Variants in SMPD3 observed in about 807,000 individuals in gnomAD.
The protein encoded by SMPD3 is sphingomyelin phosphodiesterase 3, also known as nSMase-2.
In SMPD3, 21 loss-of-function variants were observed where a neutral mutation model predicts 55.7. The observed-to-expected ratio is 0.38, with a 90% CI of 0.27 to 0.54. The LOEUF (loss-of-function observed/expected upper bound fraction) is 0.54. SMPD3 is among the 20% of genes least tolerant of loss of function. The probability of loss-of-function intolerance (pLI) is 0.80; values close to 1 mark genes in which losing one functional copy is unlikely to be tolerated. For missense variants in SMPD3, 842 were observed against 899.6 expected, an observed-to-expected ratio of 0.94 and a Z score of 0.82; for synonymous variants, 457 against 404.3, an observed-to-expected ratio of 1.13 and a Z score of -1.56.
Position 68,360,874 on chromosome 16 carries a change from TAA to T in SMPD3, c.*330_*331del. The T allele has an allele frequency of 3.7e-6, 1 of 271,008 alleles. No homozygotes were observed. Among genetic ancestry groups the T allele is most frequent in the Non-Finnish European group, 7.0e-6 (1 of 141,970 alleles). 16.8% of individuals were successfully genotyped at this position (271,008 alleles called of 1,614,324 possible). A position where few individuals can be genotyped will look rare whatever the true frequency, so the allele number is the denominator to read the frequency against. On this transcript the variant is annotated 3_prime_UTR_variant, in exon 9 of 9. Transcript: ENST00000219334. ...AAAATAAAGAACCCTGGACGAAGCT[TAA>T]GAGGAGATACAGAGAGTACACGAAC...
chr16:68,410,864 A>G (rs555745609), intron 1 of SMPD3, among the ~76,000 whole-genome samples: 3 of 152,410 alleles, frequency 2.0e-5, no homozygotes, highest in Admixed American at 2.0e-4. Context: ...GGCACCTTGC[A>G]TCTGTGAATT....
chr16:68,379,239 C>T (rs1250072862), intron 2 of SMPD3, among the ~76,000 whole-genome samples: 3 of 152,218 alleles, frequency 2.0e-5, no homozygotes, highest in Admixed American at 2.0e-4. Context: ...ATCGGCATCC[C>T]TTGGGAGACC....
chr16:68,426,038 A>T (rs1283922621), intron 1 of SMPD3, among the ~76,000 whole-genome samples: 1 of 152,234 alleles, frequency 6.6e-6, no homozygotes, highest in Non-Finnish European at 1.5e-5. Context: ...ATTTTCCTCA[A>T]GGAAAATAAA....
chr16:68,447,351 G>A lies in SMPD3; in HGVS notation c.-269+1002C>T, dbSNP rs2090618205. Among the ~76,000 whole-genome samples the A allele has an allele frequency of 2.0e-5, 3 of 152,162 alleles. No homozygotes were observed. The highest frequency in any genetic ancestry group is 2.9e-5 in the Non-Finnish European group (2 of 68,006). On this transcript the variant is annotated intron_variant, in intron 1 of 8. Coordinates refer to ENST00000219334, the MANE Select transcript of SMPD3 (RefSeq NM_018667.4). The surrounding 1 kb of genome is among the most constrained non-coding windows in gnomAD (Gnocchi z 5.1). The stretch of plus-strand genomic sequence containing the variant: ...GAGTGCTTGAGGGGAGACCCGCCCC[G>A]TCCCGCTCTGTACATGCCCATCTGG...
chr16:68,413,550 A>G (rs1023443429), intron 1 of SMPD3, among the ~76,000 whole-genome samples: 3 of 152,214 alleles, frequency 2.0e-5, no homozygotes, highest in Non-Finnish European at 2.9e-5. Context: ...CTTATTCAAA[A>G]TAGTGGAAAA....
At position 68,371,188 on chromosome 16, in the gene SMPD3, T is replaced by G. The variant is rs755322152; in HGVS notation, c.994A>C (p.Lys332Gln). 1.2e-6 allele frequency: 2 copies of G among 1,612,146 alleles called. No individual in the cohort carries two copies. Among genetic ancestry groups the G allele is most frequent in the Non-Finnish European group, 1.7e-6 (2 of 1,179,636 alleles). ...TGCCGCCTCCTGCGTGCAGCCGCCTTCTTCACCACCGAGGCCTTGTACAGG... is the reference window on the plus strand; with the variant it reads ...TGCCGCCTCCTGCGTGCAGCCGCCTGCTTCACCACCGAGGCCTTGTACAGG... ...KLLYKASVVK[K>Q]AAARRRRHPD... Residue 332 changes from lysine (K) to glutamine (Q), a missense_variant, in exon 3 of 9, where the codon AAG becomes CAG. Lys to Gln is a moderately conservative substitution (Grantham distance 53). Around this residue, in one of 2 missense-constraint regions of SMPD3, gnomAD observed 649 missense variants for 643.6 expected, o/e 1.01. Transcript: ENST00000219334.
intron 1 of SMPD3, among the ~76,000 whole-genome samples, chr16:68,434,219 T>C (rs2152031322): frequency 6.6e-6 from 1 of 152,344 alleles, no homozygotes; most frequent in Middle Eastern, 3.4e-3. Flanking sequence ...ATATATGTTT[T>C]GGTTATTTGA....
chr16:68,436,913 C>A (rs2152032776), intron 1 of SMPD3, among the ~76,000 whole-genome samples: 1 of 152,280 alleles, frequency 6.6e-6, no homozygotes, highest in African/African-American at 2.4e-5. Context: ...ACTCTGCTAC[C>A]CCAGGTTCCA....
At chr16:68,433,208 T>C (rs1337111058) in intron 1 of SMPD3, among the ~76,000 whole-genome samples, 1 of 152,222 alleles carries the variant, frequency 6.6e-6, no homozygotes, top group Non-Finnish European at 1.5e-5. Flanking sequence ...ATACCCAAGG[T>C]GATGATTTAT....
At chr16:68,430,540 C>T (rs1429629435) in intron 1 of SMPD3, among the ~76,000 whole-genome samples, 1 of 152,214 alleles carries the variant, frequency 6.6e-6, no homozygotes, top group African/African-American at 2.4e-5. Context: ...CCTGGTCTGG[C>T]TCCTTACCCT....
chr16:68,425,540 TGGG>T (rs1309426276), intron 1 of SMPD3, among the ~76,000 whole-genome samples: 2 of 9,750 alleles, frequency 2.1e-4, no homozygotes, highest in Non-Finnish European at 4.1e-4. Context: ...GGACAATGGG[TGGG>T]GGGGCGGGCC....
At position 68,371,258 on chromosome 16, in the gene SMPD3, C is replaced by A; in HGVS notation, c.924G>T (p.Gly308=). ...SRESLVKGRA[G]PDTSASGEPG... is the part of the protein sequence containing the mutation. ...GCTCCCCGCTGGCACTGGTGTCTGG[C>A]CCAGCTCGCCCCTTCACCAGGGACT... The change falls in exon 3 of 9, where the codon GGG becomes GGT. Residue 308 remains glycine (G), a synonymous_variant. Coordinates refer to ENST00000219334, the MANE Select transcript of SMPD3 (RefSeq NM_018667.4). 6.2e-7 allele frequency: 1 copy of A among 1,605,604 alleles called. No homozygotes were observed.
intron 1 of SMPD3, among the ~76,000 whole-genome samples, chr16:68,388,192 C>T (rs557700121): frequency 1.7e-3 from 257 of 152,316 alleles, no homozygotes; most frequent in Non-Finnish European, 2.8e-3. Context: ...GACCTGGCTT[C>T]CCCAGGAGCC....
rs1443192490 is a variant in SMPD3 at position 68,447,950 on chromosome 16, A to G, written c.-269+403T>C. 6.6e-6 allele frequency among the ~76,000 whole-genome samples: 1 copy of G among 150,878 alleles called. No individual in the cohort carries two copies. The highest frequency in any genetic ancestry group is 1.5e-5 in the Non-Finnish European group (1 of 67,776). On this transcript the variant is annotated intron_variant, in intron 1 of 8. Coordinates refer to ENST00000219334, the MANE Select transcript of SMPD3 (RefSeq NM_018667.4). This position sits in a 1 kb window ranked among gnomAD's most constrained non-coding sequence, Gnocchi z 5.1. ...TCCATCACCACCAGACTCCTTTGTA[A>G]CCTCGAGCAGCCGAAGTGTTGCGGG...
At chr16:68,444,431 GC>G (rs2152036504) in intron 1 of SMPD3, among the ~76,000 whole-genome samples, 1 of 152,326 alleles carries the variant, frequency 6.6e-6, no homozygotes, top group African/African-American at 2.4e-5. Flanking sequence ...AACATGACCA[GC>G]CCTTCTGGAA....
At chr16:68,417,317 AT>A (rs902014071) in intron 1 of SMPD3, among the ~76,000 whole-genome samples, 3 of 151,946 alleles carry the variant, frequency 2.0e-5, no homozygotes, top group Non-Finnish European at 4.4e-5. Flanking sequence ...TCATCAACAA[AT>A]TCGCACACAC....
intron 3 of SMPD3, among the ~76,000 whole-genome samples, chr16:68,365,905 G>A (rs1351577179): frequency 6.6e-6 from 1 of 152,184 alleles, no homozygotes; most frequent in Non-Finnish European, 1.5e-5. Flanking sequence ...CCAGGTGGGG[G>A]CAAGATGGAG....
intron 1 of SMPD3, among the ~76,000 whole-genome samples, chr16:68,398,813 A>G (rs2090182492): frequency 6.6e-6 from 1 of 152,212 alleles, no homozygotes; most frequent in Admixed American, 6.5e-5. Flanking sequence ...CCATTCCATT[A>G]GCCACAGAAT....
intron 2 of SMPD3, among the ~76,000 whole-genome samples, chr16:68,377,674 A>G (rs896232668): frequency 2.0e-5 from 3 of 152,210 alleles, no homozygotes; most frequent in Non-Finnish European, 2.9e-5. Context: ...TGGACAAGCC[A>G]TGGTGGCCAG....
Sources: gnomAD v4.1 joint callset for allele counts (sites outside exome capture counted in the v4.1 genomes callset) on GRCh38, gnomAD v4.1.1 for gene constraint, gnomAD v4.1.1 regional missense constraint, Gnocchi (gnomAD v3.1) non-coding constraint, MANE v1.5 for transcripts, NCBI Gene and HGNC (gene_info 2026-07-23, HGNC 2026-07-21) for gene names.